The following SORCS2 variants were observed in gnomAD, a reference collection of about 807,000 sequenced individuals.
SORCS2 encodes sortilin related VPS10 domain containing receptor 2, also known as VPS10 domain-containing receptor SorCS2.
Under a neutral mutation model 141.6 loss-of-function variants are expected in SORCS2, and 100 were observed. The observed-to-expected ratio is 0.71, with a 90% CI of 0.60 to 0.83. The LOEUF (loss-of-function observed/expected upper bound fraction) is 0.83, where lower values mean the gene tolerates loss of function less well. Ranked by LOEUF, SORCS2 falls within the 40% of genes least tolerant of loss-of-function variation. The probability of loss-of-function intolerance (pLI) is 0.00; values close to 1 mark genes in which losing one functional copy is unlikely to be tolerated. For missense variants in SORCS2, 1,646 were observed against 1,560.2 expected (o/e 1.05, Z -0.93); for synonymous variants, 789 against 676.9 (o/e 1.17, Z -2.57).
chr4:7,686,659 CTG>C (rs1723896618), intron 10 of SORCS2, among the ~76,000 whole-genome samples: 1 of 152,240 alleles, frequency 6.6e-6, no homozygotes, highest in African/African-American at 2.4e-5. Flanking sequence ...TCTGGGGCTC[CTG>C]ATGCGCACTG....
intron 1 of SORCS2, among the ~76,000 whole-genome samples, chr4:7,328,018 CTTTTTTTTT>C (rs60976971): frequency 2.3e-5 from 2 of 88,752 alleles, no homozygotes; most frequent in African/African-American, 4.1e-5. Flanking sequence ...TCGTGCTAGG[CTTTTTTTTT>C]TTTTTTTTTT....
intron 1 of SORCS2, among the ~76,000 whole-genome samples, chr4:7,234,302 C>T (rs1712110728): frequency 6.6e-6 from 1 of 152,234 alleles, no homozygotes; most frequent in Admixed American, 6.5e-5. Flanking sequence ...CCTCCAGCTG[C>T]CAGCAGGCCT....
chr4:7,204,093 T>C (rs1442819117), intron 1 of SORCS2, among the ~76,000 whole-genome samples: 1 of 152,194 alleles, frequency 6.6e-6, no homozygotes, highest in Non-Finnish European at 1.5e-5. Flanking sequence ...TTTCCACCTT[T>C]TGGGTAGTGT....
rs112605045 is a variant in SORCS2, at chr4:7,301,793, C to G, written c.481-94495C>G. Among the ~76,000 whole-genome samples the G allele has an allele frequency of 4.4e-3, 669 of 152,360 alleles. 4 individuals carry two copies. The highest frequency in any genetic ancestry group is 0.015 in the African/African-American group (621 of 41,592). ...CGCTGGCCTCCCAAATGATGTCGCT[C>G]TGCATGTTTCTGGATTACATTCTCC... On this transcript the variant is annotated intron_variant, in intron 1 of 26. Transcript: ENST00000507866.
At chr4:7,564,582 G>C (rs529372270) in intron 3 of SORCS2, among the ~76,000 whole-genome samples, 14 of 152,336 alleles carry the variant, frequency 9.2e-5, no homozygotes, top group African/African-American at 3.4e-4. Flanking sequence ...GTACTGGGTG[G>C]TGGCATGCCT....
At chr4:7,416,537 C>T (rs535502240) in intron 2 of SORCS2, among the ~76,000 whole-genome samples, 6 of 152,338 alleles carry the variant, frequency 3.9e-5, no homozygotes, top group South Asian at 2.1e-4. Context: ...CACTCACACA[C>T]GCCCACACGT....
chr4:7,740,415 T>G lies in SORCS2; in HGVS notation c.*151T>G, dbSNP rs1302782293. The stretch of plus-strand genomic sequence containing the variant: ...GACAGGCACCACCCCCTCTGATAAA[T>G]CCAAGCCCGCCCAGGCCCACGGGGG... On this transcript the variant is annotated 3_prime_UTR_variant, in exon 27 of 27. Transcript: ENST00000507866. 2 of 698,554 alleles carry G rather than the reference T, an allele frequency of 2.9e-6. No individual in the cohort carries two copies. The highest frequency in any genetic ancestry group is 4.9e-6 in the Non-Finnish European group (2 of 411,574). 43.3% of individuals were successfully genotyped at this position (698,554 alleles called of 1,614,324 possible). A position where few individuals can be genotyped will look rare whatever the true frequency, so the allele number is the denominator to read the frequency against.
chr4:7,204,030 T>C (rs2108867387), intron 1 of SORCS2, among the ~76,000 whole-genome samples: 1 of 152,336 alleles, frequency 6.6e-6, no homozygotes. Context: ...TTCCACTGTA[T>C]GGACACCACA....
chr4:7,427,301 G>C (rs1726512184), intron 2 of SORCS2, among the ~76,000 whole-genome samples: 3 of 152,192 alleles, frequency 2.0e-5, no homozygotes, highest in Non-Finnish European at 4.4e-5. Context: ...CCCATCCCTT[G>C]CTTCGGAGCC....
At chr4:7,724,910 T>TGG (rs1560115059) in intron 19 of SORCS2, among the ~76,000 whole-genome samples, 5 of 28,420 alleles carry the variant, frequency 1.8e-4, no homozygotes, top group South Asian at 1.2e-3. Context: ...GGTGATAGTA[T>TGG]TGGTGGGAAT....
intron 2 of SORCS2, among the ~76,000 whole-genome samples, chr4:7,525,159 T>C (rs1443882033): frequency 2.0e-5 from 3 of 152,120 alleles, no homozygotes; most frequent in Admixed American, 6.5e-5. Context: ...GAGGAAATAA[T>C]GCAGTGAGAG....
intron 14 of SORCS2, among the ~76,000 whole-genome samples, chr4:7,704,712 C>A (rs1473021562): frequency 1.3e-5 from 2 of 152,230 alleles, no homozygotes; most frequent in Non-Finnish European, 2.9e-5. Flanking sequence ...AAAGGGGCCT[C>A]AGGAGCCTCT....
intron 2 of SORCS2, among the ~76,000 whole-genome samples, chr4:7,427,689 G>A (rs1726543548): frequency 6.6e-6 from 1 of 152,062 alleles, no homozygotes; most frequent in Non-Finnish European, 1.5e-5. Flanking sequence ...AGTCATGATG[G>A]GAGGGAAGGA....
intron 3 of SORCS2, among the ~76,000 whole-genome samples, chr4:7,546,121 G>T (rs970497428): frequency 6.6e-6 from 1 of 152,162 alleles, no homozygotes; most frequent in Admixed American, 6.5e-5. Context: ...GGGATTAGGG[G>T]TTCAGCCTGT....
At chr4:7,586,854 C>G (rs1366822275) in intron 3 of SORCS2, among the ~76,000 whole-genome samples, 2 of 152,004 alleles carry the variant, frequency 1.3e-5, no homozygotes, top group Non-Finnish European at 2.9e-5. Context: ...CGGAGATCAG[C>G]CAGAGTTTGC....
chr4:7,429,162 C>T (rs890466984), intron 2 of SORCS2, among the ~76,000 whole-genome samples: 4 of 152,154 alleles, frequency 2.6e-5, no homozygotes, highest in South Asian at 4.1e-4. Context: ...GGGGTTGGGC[C>T]GGCACACCCC....
intron 2 of SORCS2, among the ~76,000 whole-genome samples, chr4:7,509,627 C>G (rs528575833): frequency 1.3e-5 from 2 of 152,324 alleles, no homozygotes; most frequent in East Asian, 3.9e-4. Flanking sequence ...GGGTGAACCA[C>G]CAGGAAGAAG....
intron 9 of SORCS2, among the ~76,000 whole-genome samples, chr4:7,676,820 T>TCTCTCTCTCC (rs1723166182): frequency 9.0e-6 from 1 of 110,528 alleles, no homozygotes; most frequent in Non-Finnish European, 1.9e-5. Context: ...TCTCTCTCTC[T>TCTCTCTCTCC]CTCTCTCTCC....
At chr4:7,731,718 G>A (rs1711703495) in intron 23 of SORCS2, among the ~76,000 whole-genome samples, 1 of 152,162 alleles carries the variant, frequency 6.6e-6, no homozygotes, top group Non-Finnish European at 1.5e-5. Flanking sequence ...GGAGAAAAGA[G>A]AATATCTCCC....
Sources: allele counts gnomAD v4.1 joint callset (sites outside exome capture counted in the v4.1 genomes callset), GRCh38; gene constraint gnomAD v4.1.1; transcripts MANE v1.5; gene names NCBI Gene and HGNC (gene_info 2026-07-23, HGNC 2026-07-21).